Variants in ZC3H12C observed in about 807,000 individuals in gnomAD.
ZC3H12C encodes zinc finger CCCH-type containing 12C.
ZC3H12C carries 20 observed loss-of-function variants against 76.3 expected under a neutral mutation model. The observed-to-expected ratio is 0.26, with a 90% CI of 0.18 to 0.38. The LOEUF (loss-of-function observed/expected upper bound fraction) is 0.38, where lower values mean the gene tolerates loss of function less well. Among genes scored for constraint, ZC3H12C ranks in the 10% least tolerant of loss-of-function variants. The pLI is 1.00. For synonymous variants in ZC3H12C, 352 were observed against 399.6 expected, an observed-to-expected ratio of 0.88 and a Z score of 1.42; for missense variants, 874 against 1,086.5, an observed-to-expected ratio of 0.80 and a Z score of 2.75.
chr11:110,110,541 T>A (rs1441896952), intron 1 of ZC3H12C, among the ~76,000 whole-genome samples: 2 of 152,228 alleles, frequency 1.3e-5, no homozygotes, highest in Admixed American at 1.3e-4. Context: ...ATGGATGGAA[T>A]GAATAAACTG....
intron 2 of ZC3H12C, among the ~76,000 whole-genome samples, chr11:110,149,777 T>C (rs1862237412): frequency 6.6e-6 from 1 of 152,198 alleles, no homozygotes; most frequent in Admixed American, 6.5e-5. Context: ...TTCTGAGTAC[T>C]AACCTTCTGA....
At chr11:110,141,101 C>T (rs560621491) in intron 2 of ZC3H12C, among the ~76,000 whole-genome samples, 8 of 151,996 alleles carry the variant, frequency 5.3e-5, no homozygotes, top group East Asian at 3.8e-4. Context: ...TACTCAGCCC[C>T]GCAAAGAGTC....
At chr11:110,104,051 T>C (rs1299832396) in intron 1 of ZC3H12C, among the ~76,000 whole-genome samples, 2 of 151,420 alleles carry the variant, frequency 1.3e-5, no homozygotes, top group African/African-American at 4.9e-5. Context: ...GTCATATCTT[T>C]AGGCTCCACT....
intron 1 of ZC3H12C, among the ~76,000 whole-genome samples, chr11:110,119,628 C>T (rs572241336): frequency 3.1e-4 from 47 of 152,282 alleles, no homozygotes; most frequent in South Asian, 1.2e-3. Context: ...GCTGCTATCA[C>T]CAAATACCTT....
chr11:110,131,465 T>A (rs895458128), intron 1 of ZC3H12C: 3 of 253,662 alleles, frequency 1.2e-5, no homozygotes, highest in African/African-American at 6.9e-5. Flanking sequence ...TCTTAAGATG[T>A]CACTGTCGTA....
rs145474029 is a variant in ZC3H12C, at chr11:110,137,182, C to T, written c.541C>T (p.Leu181Phe). The change falls in exon 2 of 6, where the codon CTT (leucine) becomes TTT (phenylalanine). Residue 181 changes from leucine (L) to phenylalanine (F), a missense_variant. Physicochemically the swap from Leu to Phe is conservative, Grantham distance 22. Coordinates refer to ENST00000278590, the MANE Select transcript of ZC3H12C (RefSeq NM_033390.2). ...KLGYSEEQVQLVLNKLGTDAL... is the reference protein window; with the variant it reads ...KLGYSEEQVQFVLNKLGTDAL... ...AGGTTATTCTGAAGAACAGGTTCAG[C>T]TTGTACTAAACAAACTTGGTACTGA... 1 of 1,613,854 alleles carries T rather than the reference C, an allele frequency of 6.2e-7. No individual in the cohort carries two copies. Among genetic ancestry groups the T allele is most frequent in the East Asian group, 2.2e-5 (1 of 44,882 alleles).
At chr11:110,161,660 C>T (rs1266058213) in intron 4 of ZC3H12C, among the ~76,000 whole-genome samples, 2 of 151,934 alleles carry the variant, frequency 1.3e-5, no homozygotes, top group Non-Finnish European at 1.5e-5. Flanking sequence ...TCCATCAACC[C>T]AAAAATCTCA....
chr11:110,115,181 A>C (rs1219461352), intron 1 of ZC3H12C, among the ~76,000 whole-genome samples: 2 of 152,172 alleles, frequency 1.3e-5, no homozygotes, highest in African/African-American at 4.8e-5. Flanking sequence ...ATGATGGCTC[A>C]CTGCAGCCTC....
At position 110,165,789 on chromosome 11, in the gene ZC3H12C, T is replaced by A. The variant is rs2134204190; in HGVS notation, c.*52T>A. ...GTAGTTTTTTGTTCAGCTCAAATGCTGAGGGAGGTTTGCTACAATAGCACA... is the reference window on the plus strand; with the variant it reads ...GTAGTTTTTTGTTCAGCTCAAATGCAGAGGGAGGTTTGCTACAATAGCACA... On this transcript the variant is annotated 3_prime_UTR_variant, in exon 6 of 6. Transcript: ENST00000278590. 1 of 1,491,942 alleles carries A rather than the reference T, an allele frequency of 6.7e-7. No individual in the cohort carries two copies. The highest frequency in any genetic ancestry group is 2.2e-5 in the Admixed American group (1 of 46,462). 92.4% of individuals were successfully genotyped at this position (1,491,942 alleles called of 1,614,324 possible).
chr11:110,100,387 A>G (rs1318229177), intron 1 of ZC3H12C, among the ~76,000 whole-genome samples: 2 of 152,162 alleles, frequency 1.3e-5, no homozygotes, highest in Non-Finnish European at 1.5e-5. Context: ...GTAAGTGGGT[A>G]TGATAAACAA....
At chr11:110,150,778 A>G (rs1246167804) in intron 2 of ZC3H12C, among the ~76,000 whole-genome samples, 4 of 152,028 alleles carry the variant, frequency 2.6e-5, no homozygotes, top group Non-Finnish European at 4.4e-5. Flanking sequence ...CATTTCTTCT[A>G]GTAATACTGT....
intron 1 of ZC3H12C, among the ~76,000 whole-genome samples, chr11:110,099,021 T>C (rs1861164790): frequency 6.6e-6 from 1 of 152,394 alleles, no homozygotes; most frequent in East Asian, 1.9e-4. Flanking sequence ...ATTGGAATTA[T>C]ATTACTTGTA....
intron 2 of ZC3H12C, among the ~76,000 whole-genome samples, chr11:110,148,712 A>T (rs572066508): frequency 3.3e-5 from 5 of 152,364 alleles, no homozygotes; most frequent in East Asian, 1.9e-4. Flanking sequence ...AATAGAATTA[A>T]CTAATTTTGT....
At chr11:110,116,739 A>G (rs181284400) in intron 1 of ZC3H12C, among the ~76,000 whole-genome samples, 2 of 152,288 alleles carry the variant, frequency 1.3e-5, no homozygotes, top group African/African-American at 4.8e-5. Flanking sequence ...ATGTATATTA[A>G]CTCATTTAAT....
At chr11:110,135,728 G>A (rs1025643527) in intron 1 of ZC3H12C, 5 of 151,788 alleles carry the variant, frequency 3.3e-5, no homozygotes, top group African/African-American at 1.2e-4. Flanking sequence ...CAGATTAATG[G>A]CTAGTTAATC....
chr11:110,121,938 T>A (rs1202501573), intron 1 of ZC3H12C, among the ~76,000 whole-genome samples: 3 of 152,242 alleles, frequency 2.0e-5, no homozygotes, highest in Non-Finnish European at 2.9e-5. Context: ...TATGGACTCT[T>A]AATAAAAACA....
intron 2 of ZC3H12C, among the ~76,000 whole-genome samples, chr11:110,147,968 C>T (rs1862200565): frequency 6.6e-6 from 1 of 152,218 alleles, no homozygotes; most frequent in Non-Finnish European, 1.5e-5. Context: ...CATTGGGAAT[C>T]ATCCATCCAT....
chr11:110,116,767 G>A (rs6650177), intron 1 of ZC3H12C, among the ~76,000 whole-genome samples: 36,395 of 152,036 alleles, frequency 0.24, 4,500 homozygotes, highest in Middle Eastern at 0.33. Context: ...ACAACCCTAT[G>A]CTGTTAGTGG....
intron 4 of ZC3H12C, among the ~76,000 whole-genome samples, chr11:110,160,710 C>G (rs1050469043): frequency 6.6e-6 from 1 of 152,114 alleles, no homozygotes; most frequent in Admixed American, 6.5e-5. Context: ...CCTGAATGAA[C>G]TGCATGAAGC....
Sources: gnomAD v4.1 joint callset for allele counts (sites outside exome capture counted in the v4.1 genomes callset) on GRCh38, gnomAD v4.1.1 for gene constraint, MANE v1.5 for transcripts, NCBI Gene and HGNC (gene_info 2026-07-23, HGNC 2026-07-21) for gene names.